Variants in CSNK1G3 observed in about 807,000 individuals in gnomAD.
CSNK1G3 encodes the protein casein kinase I isoform gamma-3.
Under a neutral mutation model 64.3 loss-of-function variants are expected in CSNK1G3, and 23 were observed. That is an observed-to-expected ratio of 0.36 (90% confidence interval 0.26 to 0.51). The LOEUF (loss-of-function observed/expected upper bound fraction) is 0.51, where lower values mean the gene tolerates loss of function less well. Among genes scored for constraint, CSNK1G3 ranks in the 20% least tolerant of loss-of-function variants. The pLI, the probability that CSNK1G3 is intolerant of heterozygous loss-of-function variation, is 0.96. For synonymous variants in CSNK1G3, 158 were observed against 162.2 expected (o/e 0.97, Z 0.20); for missense variants, 357 against 510.5 (o/e 0.70, Z 2.90).
intron 6 of CSNK1G3, among the ~76,000 whole-genome samples, chr5:123,586,302 C>G (rs1010254669): frequency 6.6e-6 from 1 of 152,080 alleles, no homozygotes; most frequent in Non-Finnish European, 1.5e-5. Flanking sequence ...CATTTTGGAG[C>G]ATTAGAAATG....
chr5:123,530,189 G>A (rs369215712), intron 1 of CSNK1G3, among the ~76,000 whole-genome samples: 25 of 152,132 alleles, frequency 1.6e-4, no homozygotes, highest in South Asian at 1.2e-3. Flanking sequence ...AAATTCACTT[G>A]TGAAATTGAG....
intron 2 of CSNK1G3, among the ~76,000 whole-genome samples, chr5:123,551,790 A>T (rs893806057): frequency 1.4e-5 from 2 of 146,598 alleles, no homozygotes; most frequent in Non-Finnish European, 2.9e-5. Context: ...TCTCACTATT[A>T]AAAAAAACCC....
At chr5:123,555,603 T>G (rs1784478266) in intron 3 of CSNK1G3, among the ~76,000 whole-genome samples, 1 of 152,174 alleles carries the variant, frequency 6.6e-6, no homozygotes, top group African/African-American at 2.4e-5. Flanking sequence ...CTAGTTCAGA[T>G]CAACAGTTTG....
At chr5:123,519,419 A>G (rs1777715789) in intron 1 of CSNK1G3, among the ~76,000 whole-genome samples, 1 of 152,220 alleles carries the variant, frequency 6.6e-6, no homozygotes. Context: ...TGAATCAATA[A>G]AATAGGTGGT....
intron 2 of CSNK1G3, 109 bp from the exon 3 acceptor site, chr5:123,552,997 AC>A: frequency 1.8e-6 from 1 of 552,692 alleles, no homozygotes; most frequent in Non-Finnish European, 3.2e-6. Context: ...AGAAGCAAAA[AC>A]CTATGCTTTA....
intron 10 of CSNK1G3, 72 bp from the exon 11 acceptor site, chr5:123,594,967 A>G: frequency 1.6e-6 from 2 of 1,275,744 alleles, no homozygotes; most frequent in East Asian, 2.4e-5. Flanking sequence ...TTTATATATT[A>G]TGAGGATAAA....
intron 2 of CSNK1G3, among the ~76,000 whole-genome samples, chr5:123,546,525 A>C (rs2052485): frequency 0.6 from 91,667 of 151,818 alleles, 28,938 homozygotes; most frequent in African/African-American, 0.79. Flanking sequence ...AAATCTAGGT[A>C]TTTTAACTTC....
chr5:123,594,845 C>T (rs1793124066), intron 10 of CSNK1G3, among the ~76,000 whole-genome samples, 194 bp from the exon 11 acceptor site: 1 of 152,060 alleles, frequency 6.6e-6, no homozygotes, highest in African/African-American at 2.4e-5. Context: ...TATTGTTGAT[C>T]ATTACACAAT....
intron 6 of CSNK1G3, among the ~76,000 whole-genome samples, chr5:123,581,347 GTTTTTTGGGTTTGTTTTTTTTTTT>G (rs1790214630): frequency 1.1e-5 from 1 of 89,544 alleles, no homozygotes; most frequent in African/African-American, 4.2e-5. Flanking sequence ...TTCTCTTTTT[GTTTTTTGGGTTTGTTTTTTTTTTT>G]TTTTTTTTTG....
chr5:123,563,223 T>A (rs1051188824), intron 4 of CSNK1G3, among the ~76,000 whole-genome samples: 3 of 152,088 alleles, frequency 2.0e-5, no homozygotes, highest in African/African-American at 7.2e-5. Context: ...ACTATAGAGA[T>A]GATATTAAAA....
At chr5:123,517,429 G>T (rs1458171890) in intron 1 of CSNK1G3, among the ~76,000 whole-genome samples, 2 of 151,976 alleles carry the variant, frequency 1.3e-5, no homozygotes, top group Non-Finnish European at 2.9e-5. Context: ...AAAGGCGTTT[G>T]TATGAGAACC....
intron 6 of CSNK1G3, among the ~76,000 whole-genome samples, chr5:123,582,920 A>G (rs1432602407): frequency 6.6e-6 from 1 of 152,226 alleles, no homozygotes; most frequent in African/African-American, 2.4e-5. Flanking sequence ...AAAAAAAGAA[A>G]TTATGAGGGT....
chr5:123,588,579 G>A (rs555434374), intron 8 of CSNK1G3, 68 bp downstream of exon 8: 53 of 965,236 alleles, frequency 5.5e-5, no homozygotes, highest in Admixed American at 1.4e-4. Flanking sequence ...TATTGCTTAA[G>A]TTTATACATA....
At chr5:123,529,917 G>A (rs1219150955) in intron 1 of CSNK1G3, among the ~76,000 whole-genome samples, 1 of 151,910 alleles carries the variant, frequency 6.6e-6, no homozygotes, top group African/African-American at 2.4e-5. Flanking sequence ...CAGGCAGATT[G>A]CATGAGCTCA....
Position 123,557,482 on chromosome 5 carries a change from G to A in CSNK1G3, c.220-13G>A, listed in dbSNP as rs932762002. On this transcript the variant is annotated splice_polypyrimidine_tract_variant and intron_variant, in intron 3 of 12. Coordinates refer to ENST00000345990, the Ensembl canonical transcript of CSNK1G3. ...ATAACTTAAATGTCTTTTTTTGTTT[G>A]TTTTTCAATTAGGAGCCCATGAAAT... 6.3e-7 allele frequency: 1 copy of A among 1,595,030 alleles called. No homozygotes were observed. The highest frequency in any genetic ancestry group is 1.1e-5 in the South Asian group (1 of 87,956).
At chr5:123,587,720 G>A (rs1398430492) in intron 6 of CSNK1G3, among the ~76,000 whole-genome samples, 7 of 152,052 alleles carry the variant, frequency 4.6e-5, no homozygotes, top group Admixed American at 2.6e-4. Context: ...GTTTTAATAC[G>A]TTACCTTCTG....
At chr5:123,584,330 T>C (rs1468238184) in intron 6 of CSNK1G3, among the ~76,000 whole-genome samples, 1 of 152,232 alleles carries the variant, frequency 6.6e-6, no homozygotes, top group African/African-American at 2.4e-5. Context: ...AGTTGGCTTG[T>C]AATTCCTAGT....
chr5:123,603,409 A>G (rs1430496984), intron 10 of CSNK1G3, among the ~76,000 whole-genome samples: 1 of 152,110 alleles, frequency 6.6e-6, no homozygotes, highest in Non-Finnish European at 1.5e-5. Context: ...GCATACATGC[A>G]TTCATTTATT....
At chr5:123,616,315 T>C (rs1675308484) in exon 13 of CSNK1G3, 2 of 152,636 alleles carry the variant, frequency 1.3e-5, no homozygotes, top group Non-Finnish European at 2.9e-5. Flanking sequence ...GTCTATGATA[T>C]TTGTAAATAC....
Sources: allele counts gnomAD v4.1 joint callset (sites outside exome capture counted in the v4.1 genomes callset), GRCh38; gene constraint gnomAD v4.1.1; transcripts MANE v1.5; gene names NCBI Gene and HGNC (gene_info 2026-07-23, HGNC 2026-07-21).